DGKI: variants seen among roughly 807,000 people sequenced by gnomAD.
The protein encoded by DGKI is DAG kinase iota.
A neutral mutation model predicts 147.5 loss-of-function variants in DGKI; 55 were observed. That is an observed-to-expected ratio of 0.37 (90% CI 0.30 to 0.47). The LOEUF is 0.47. Ranked by LOEUF, DGKI falls within the 20% of genes least tolerant of loss-of-function variation. DGKI has a pLI of 1.00. For synonymous variants in DGKI, 469 were observed against 477.1 expected (o/e 0.98, Z 0.22); for missense variants, 1,007 against 1,323.8 (o/e 0.76, Z 3.71).
chr7:137,845,277 G>A (rs1798678411), intron 1 of DGKI, among the ~76,000 whole-genome samples: 1 of 152,136 alleles, frequency 6.6e-6, no homozygotes, highest in African/African-American at 2.4e-5. Context: ...TGTCTATGGG[G>A]ATCCCAATTA....
At chr7:137,422,066 T>C (rs1812593707) in intron 28 of DGKI, among the ~76,000 whole-genome samples, 1 of 152,214 alleles carries the variant, frequency 6.6e-6, no homozygotes, top group East Asian at 1.9e-4. Context: ...TCAGAAATGT[T>C]TATGAGTCAA....
chr7:137,396,585 G>T (rs1216766175), intron 31 of DGKI, among the ~76,000 whole-genome samples: 7 of 152,216 alleles, frequency 4.6e-5, no homozygotes, highest in Admixed American at 4.6e-4. Context: ...TCTATGGAGT[G>T]ATAGACAGCT....
chr7:137,517,319 G>GAA (rs1213831937), intron 21 of DGKI, among the ~76,000 whole-genome samples: 1 of 100,926 alleles, frequency 9.9e-6, no homozygotes, highest in Non-Finnish European at 1.9e-5. Flanking sequence ...AAGAAAGAAA[G>GAA]AAAGAAAGAA....
At chr7:137,511,808 G>A (rs960402574) in intron 21 of DGKI, among the ~76,000 whole-genome samples, 3 of 152,170 alleles carry the variant, frequency 2.0e-5, no homozygotes, top group Admixed American at 1.3e-4. Context: ...TGCTGATAGC[G>A]CACAGCTGAG....
chr7:137,582,582 A>T (rs1819242016), intron 14 of DGKI, among the ~76,000 whole-genome samples: 1 of 152,064 alleles, frequency 6.6e-6, no homozygotes, highest in South Asian at 2.1e-4. Context: ...GTTCTCATTT[A>T]ATCTATCAAC....
At chr7:137,642,984 G>A (rs891094335) in intron 6 of DGKI, among the ~76,000 whole-genome samples, 7 of 150,330 alleles carry the variant, frequency 4.7e-5, no homozygotes, top group Non-Finnish European at 8.9e-5. Context: ...GGGGGATGGA[G>A]TGAGGTTTAA....
chr7:137,784,660 T>C (rs936016744), intron 1 of DGKI, among the ~76,000 whole-genome samples: 4 of 152,074 alleles, frequency 2.6e-5, no homozygotes, highest in African/African-American at 7.2e-5. Context: ...ACCCAACAAC[T>C]ATAGACTTTA....
intron 20 of DGKI, among the ~76,000 whole-genome samples, chr7:137,530,058 TA>T (rs766679276): frequency 6.6e-5 from 10 of 152,196 alleles, no homozygotes; most frequent in South Asian, 2.1e-4. Context: ...GGCCATGTTA[TA>T]ACTTTTTATT....
chr7:137,817,560 C>A (rs989722188), intron 1 of DGKI, among the ~76,000 whole-genome samples: 1 of 152,142 alleles, frequency 6.6e-6, no homozygotes, highest in African/African-American at 2.4e-5. Flanking sequence ...CTGTTGCTGT[C>A]GAATTGTGAC....
At chr7:137,481,053 A>T (rs990122870) in intron 23 of DGKI, among the ~76,000 whole-genome samples, 2 of 150,598 alleles carry the variant, frequency 1.3e-5, no homozygotes, top group African/African-American at 4.9e-5. Flanking sequence ...GAGAACCGTC[A>T]GAGTGACTCA....
chr7:137,634,504 T>A (rs1259968645), intron 6 of DGKI, among the ~76,000 whole-genome samples: 1 of 152,218 alleles, frequency 6.6e-6, no homozygotes, highest in Non-Finnish European at 1.5e-5. Flanking sequence ...CCATGAATCA[T>A]CAGGTGTCAT....
chr7:137,812,719 A>C (rs957298465), intron 1 of DGKI, among the ~76,000 whole-genome samples: 1 of 152,192 alleles, frequency 6.6e-6, no homozygotes, highest in Non-Finnish European at 1.5e-5. Context: ...AGGCCAAGAG[A>C]TTTTAAATCA....
chr7:137,470,716 A>G (rs934256321), intron 23 of DGKI, among the ~76,000 whole-genome samples: 1 of 151,952 alleles, frequency 6.6e-6, no homozygotes, highest in South Asian at 2.1e-4. Context: ...TGAAGCTGAT[A>G]TATCTTTTGA....
At chr7:137,816,627 A>G (rs1056244677) in intron 1 of DGKI, among the ~76,000 whole-genome samples, 1 of 152,222 alleles carries the variant, frequency 6.6e-6, no homozygotes, top group Non-Finnish European at 1.5e-5. Flanking sequence ...TTATATTTTA[A>G]AAGAGGAGAG....
chr7:137,420,882 G>A (rs906334972), intron 28 of DGKI, among the ~76,000 whole-genome samples: 1 of 152,120 alleles, frequency 6.6e-6, no homozygotes, highest in African/African-American at 2.4e-5. Context: ...AGCTGGGCAT[G>A]ACGGTGGAAG....
chr7:137,420,407 T>G (rs1812520234), intron 28 of DGKI, among the ~76,000 whole-genome samples: 1 of 152,192 alleles, frequency 6.6e-6, no homozygotes, highest in African/African-American at 2.4e-5. Flanking sequence ...GTACAAACTG[T>G]CACATCATAT....
chr7:137,405,252 T>TC (rs1349276884), intron 30 of DGKI, among the ~76,000 whole-genome samples: 3 of 151,858 alleles, frequency 2.0e-5, no homozygotes, highest in African/African-American at 4.8e-5. Context: ...GTTATCATTT[T>TC]TTTTTCTTCA....
chr7:137,736,644 A>T (rs1372399099), intron 1 of DGKI, among the ~76,000 whole-genome samples: 1 of 152,146 alleles, frequency 6.6e-6, no homozygotes, highest in East Asian at 1.9e-4. Flanking sequence ...CCTAAGTGAA[A>T]TAACATCTAG....
intron 1 of DGKI, among the ~76,000 whole-genome samples, chr7:137,834,170 T>C (rs922253347): frequency 1.1e-4 from 17 of 152,224 alleles, no homozygotes; most frequent in African/African-American, 3.9e-4. Flanking sequence ...AGGTATATCA[T>C]TGAGCACCTC....
Sources: allele counts gnomAD v4.1 joint callset (sites outside exome capture counted in the v4.1 genomes callset), GRCh38; gene constraint gnomAD v4.1.1; transcripts MANE v1.5; gene names NCBI Gene and HGNC (gene_info 2026-07-23, HGNC 2026-07-21).